The following DST variants were observed in gnomAD, a reference collection of about 807,000 sequenced individuals.
DST encodes dystonin.
DST carries 253 observed loss-of-function variants against 875.2 expected under a neutral mutation model. The ratio of observed to expected loss-of-function variants is 0.29; its 90% CI spans 0.26 to 0.32. The LOEUF (loss-of-function observed/expected upper bound fraction) is 0.32. Among genes scored for constraint, DST ranks in the 10% least tolerant of loss-of-function variants. The probability of loss-of-function intolerance (pLI) is 1.00; values close to 1 mark genes in which losing one functional copy is unlikely to be tolerated. For synonymous variants in DST, 3,124 were observed against 3,197.1 expected, an observed-to-expected ratio of 0.98 and a Z score of 0.77; for missense variants, 8,287 against 9,111.6, an observed-to-expected ratio of 0.91 and a Z score of 3.68.
chr6:56,878,405 G>A (rs1316886213), intron 3 of DST, among the ~76,000 whole-genome samples: 1 of 152,174 alleles, frequency 6.6e-6, no homozygotes, highest in Admixed American at 6.5e-5. Flanking sequence ...TAAAAGGCAT[G>A]CTTGGCACTG....
Position 56,529,449 on chromosome 6 carries a change from C to A in DST, c.17594G>T (p.Arg5865Leu). 2.0e-6 allele frequency: 3 copies of A among 1,466,500 alleles called. No individual in the cohort carries two copies. Among genetic ancestry groups the A allele is most frequent in the East Asian group, 2.4e-5 (1 of 41,680 alleles). The allele number at this position is 1,466,500 out of a possible 1,614,324, so 90.8% of individuals were successfully genotyped here. A position where few individuals can be genotyped will look rare whatever the true frequency, so the allele number is the denominator to read the frequency against. The change falls in exon 66 of 104, where the codon CGG becomes CTG. Residue 5865 changes from arginine to leucine, a missense_variant and splice_region_variant. Arg to Leu is a moderately radical substitution (Grantham distance 102). Transcript: ENST00000680361. Reference protein sequence around the residue: ...EGLWKQQSELRVLQEDILLRK... With the variant: ...EGLWKQQSELLVLQEDILLRK... ...ATAAAATAAAATAAATCAAAATACC[C>A]GAAGTTCAGACTGCTGCTTCCATAG...
At chr6:56,784,368 G>A (rs978781942) in intron 4 of DST, among the ~76,000 whole-genome samples, 1 of 152,214 alleles carries the variant, frequency 6.6e-6, no homozygotes, top group Non-Finnish European at 1.5e-5. Context: ...ACACTGATCA[G>A]ACGCAGATTT....
At chr6:56,844,335 C>T (rs1429534718) in intron 4 of DST, among the ~76,000 whole-genome samples, 1 of 152,194 alleles carries the variant, frequency 6.6e-6, no homozygotes, top group Non-Finnish European at 1.5e-5. Flanking sequence ...CCCCCCAGAG[C>T]CCACAGGCGC....
intron 5 of DST, among the ~76,000 whole-genome samples, chr6:56,728,648 C>T (rs2099481579): frequency 6.6e-6 from 1 of 152,028 alleles, no homozygotes; most frequent in South Asian, 2.1e-4. Context: ...TGCACTCCAG[C>T]ACGGGTGACA....
intron 4 of DST, among the ~76,000 whole-genome samples, chr6:56,800,897 G>T (rs540043154): frequency 6.6e-6 from 1 of 152,012 alleles, no homozygotes; most frequent in South Asian, 2.1e-4. Context: ...GCACACACCT[G>T]TAGCCCCAGG....
chr6:56,468,168 AT>A (rs796988122), intron 98 of DST, among the ~76,000 whole-genome samples: 1 of 72,766 alleles, frequency 1.4e-5, no homozygotes, highest in African/African-American at 7.9e-5. Flanking sequence ...GTAAAATAAA[AT>A]AAAATAAAAT....
At chr6:56,553,720 CA>C in intron 60 of DST, 65 bp from the exon 61 acceptor site, 3 of 1,436,856 alleles carry the variant, frequency 2.1e-6, no homozygotes, top group Non-Finnish European at 1.9e-6. Context: ...TATGAAAAGC[CA>C]AAATAAAAAT....
rs373853272 is a variant in DST at position 56,569,977 on chromosome 6, T to A, written c.13757A>T (p.Asp4586Val). The change falls in exon 54 of 104, where the codon GAT becomes GTT. Residue 4586 changes from aspartate to valine, a missense_variant. By Grantham distance (152) the Asp-to-Val change is radical. Around this residue, in one of 10 missense-constraint regions of DST, gnomAD observed 1,513 missense variants for 1,677.8 expected, o/e 0.90. Transcript: ENST00000680361. ...TGATTTAACAAGAACTTGGAAAGCA[T>A]CCAACTGTTCTTGACAAGAAGTTAC... is the stretch of plus-strand genomic sequence containing the variant. ...EAVTSCQEQL[D>V]AFQVLVKSLK... 6.2e-7 allele frequency: 1 copy of A among 1,603,054 alleles called. No homozygotes were observed. Among genetic ancestry groups the A allele is most frequent in the Admixed American group, 1.7e-5 (1 of 57,318 alleles).
intron 4 of DST, among the ~76,000 whole-genome samples, chr6:56,850,736 C>T (rs925149421): frequency 6.6e-6 from 1 of 152,242 alleles, no homozygotes; most frequent in African/African-American, 2.4e-5. Flanking sequence ...GTAAAACAAG[C>T]CATCACTTCT....
intron 4 of DST, among the ~76,000 whole-genome samples, chr6:56,813,970 C>T (rs1003299699): frequency 3.3e-4 from 50 of 152,110 alleles, no homozygotes; most frequent in African/African-American, 1.2e-3. Flanking sequence ...AAAAAGTTAC[C>T]ATGTAGTCAA....
chr6:56,674,417 C>G (rs1174293985), intron 9 of DST, among the ~76,000 whole-genome samples: 1 of 152,094 alleles, frequency 6.6e-6, no homozygotes, highest in Non-Finnish European at 1.5e-5. Context: ...CCTGCCTCAG[C>G]CTCCCAAGTA....
At chr6:56,656,859 ATATG>A (rs765188691) in intron 10 of DST, among the ~76,000 whole-genome samples, 9 of 152,226 alleles carry the variant, frequency 5.9e-5, no homozygotes, top group Non-Finnish European at 1.3e-4. Flanking sequence ...ATGTATATGT[ATATG>A]TATGTGTGTG....
At chr6:56,917,105 G>C (rs956992499) in intron 2 of DST, among the ~76,000 whole-genome samples, 7 of 151,318 alleles carry the variant, frequency 4.6e-5, no homozygotes, top group African/African-American at 1.7e-4. Flanking sequence ...ACAGCAGAAA[G>C]GACTGACCAC....
At chr6:56,543,126 G>A (rs1043793568) in intron 61 of DST, among the ~76,000 whole-genome samples, 48 of 152,310 alleles carry the variant, frequency 3.2e-4, no homozygotes, top group African/African-American at 1.1e-3. Context: ...CGGGAGATCC[G>A]CGAAGAAATT....
At chr6:56,938,100 CTCTCTCTCTA>C (rs1271657283) in intron 2 of DST, among the ~76,000 whole-genome samples, 319 of 28,098 alleles carry the variant, frequency 0.011, no homozygotes, top group Middle Eastern at 0.026. Context: ...CTCTCTCTCT[CTCTCTCTCTA>C]TATATATATA....
chr6:56,948,298 A>G (rs899410224), intron 2 of DST, among the ~76,000 whole-genome samples: 2 of 152,142 alleles, frequency 1.3e-5, no homozygotes, highest in Non-Finnish European at 2.9e-5. Flanking sequence ...TCTCTTTGGC[A>G]TATCTGAATT....
chr6:56,664,727 ATT>A (rs1406343166), intron 10 of DST, among the ~76,000 whole-genome samples: 1 of 152,126 alleles, frequency 6.6e-6, no homozygotes, highest in African/African-American at 2.4e-5. Flanking sequence ...AGTAAGGCTT[ATT>A]TACCCAAGAT....
At chr6:56,902,239 C>A (rs544219293) in intron 2 of DST, among the ~76,000 whole-genome samples, 1 of 152,264 alleles carries the variant, frequency 6.6e-6, no homozygotes, top group African/African-American at 2.4e-5. Flanking sequence ...GAGATAAACA[C>A]TAAATGATCC....
intron 61 of DST, among the ~76,000 whole-genome samples, chr6:56,545,918 A>T (rs2097213087): frequency 6.6e-6 from 1 of 152,206 alleles, no homozygotes; most frequent in Non-Finnish European, 1.5e-5. Flanking sequence ...TCTAAAACAA[A>T]TAAGCCATTA....
Sources: allele counts gnomAD v4.1 joint callset (sites outside exome capture counted in the v4.1 genomes callset), GRCh38; gene constraint gnomAD v4.1.1; regional missense constraint gnomAD v4.1.1; transcripts MANE v1.5; gene names NCBI Gene and HGNC (gene_info 2026-07-23, HGNC 2026-07-21).